PIP4K2B: variants seen among roughly 807,000 people sequenced by gnomAD.
PIP4K2B encodes the protein phosphatidylinositol 5-phosphate 4-kinase type-2 beta.
Under a neutral mutation model 42.0 loss-of-function variants are expected in PIP4K2B, and 3 were observed. The ratio of observed to expected loss-of-function variants is 0.07; its 90% CI spans 0.03 to 0.18. The LOEUF (loss-of-function observed/expected upper bound fraction) is 0.18. Among genes scored for constraint, PIP4K2B ranks in the 10% least tolerant of loss-of-function variants. The probability of loss-of-function intolerance (pLI) is 1.00; values close to 1 mark genes in which losing one functional copy is unlikely to be tolerated. For missense variants in PIP4K2B, 332 were observed against 562.3 expected, an observed-to-expected ratio of 0.59 and a Z score of 4.14; for synonymous variants, 204 against 210.1, an observed-to-expected ratio of 0.97 and a Z score of 0.25.
chr17:38,774,491 G>A (rs940908999), intron 7 of PIP4K2B, among the ~76,000 whole-genome samples: 1 of 152,016 alleles, frequency 6.6e-6, no homozygotes, highest in Non-Finnish European at 1.5e-5. Flanking sequence ...TCTTAGGGCC[G>A]GGCGTGGTGG....
At position 38,784,196 on chromosome 17, in the gene PIP4K2B, C is replaced by T. The variant is rs1449869502; in HGVS notation, c.354+47G>A. On this transcript the variant is annotated intron_variant, in intron 3 of 9. Coordinates refer to ENST00000619039, the MANE Select transcript of PIP4K2B (RefSeq NM_003559.5). ...CTCTACCTGTCCTGTGGCTTCCTGA[C>T]CCCATTCCATTCCCTAATCCACTGA... 3.5e-6 allele frequency: 4 copies of T among 1,153,336 alleles called. No individual in the cohort carries two copies. The Admixed American group carries it at 5.2e-5, about 15-fold the overall frequency. 71.4% of individuals were successfully genotyped at this position (1,153,336 alleles called of 1,614,324 possible). A position where few individuals can be genotyped will look rare whatever the true frequency, so the allele number is the denominator to read the frequency against.
Position 38,778,486 on chromosome 17 carries a change from G to A in PIP4K2B, c.655-114C>T, listed in dbSNP as rs1598047603. On this transcript the variant is annotated intron_variant, in intron 5 of 9. Transcript: ENST00000619039. ...GTAGGCTTGTTAGAGTCCTAGAGGG[G>A]CCAGGAGGCAGCACCTTGTTCATTT... 1.4e-5 allele frequency: 13 copies of A among 903,548 alleles called. No individual in the cohort carries two copies. In the East Asian group the frequency reaches 3.1e-4, roughly 22 times the overall value. The allele number at this position is 903,548 out of a possible 1,614,324, so 56.0% of individuals were successfully genotyped here.
rs1002098121 is a variant in PIP4K2B at position 38,766,165 on chromosome 17, G to A, written c.*3526C>T. 6.6e-6 allele frequency: 1 copy of A among 152,214 alleles called. No individual in the cohort carries two copies. The highest frequency in any genetic ancestry group is 1.5e-5 in the Non-Finnish European group (1 of 68,072). The allele number at this position is 152,214 out of a possible 1,614,324, so 9.4% of individuals were successfully genotyped here. Reference sequence around the variant, plus strand: ...CATTCTAGAGGAGGGAGAGGGCCACGGTCACTGACCCCTGCAGATGGCTGG... The same window carrying A: ...CATTCTAGAGGAGGGAGAGGGCCACAGTCACTGACCCCTGCAGATGGCTGG... On this transcript the variant is annotated 3_prime_UTR_variant, in exon 10 of 10. Coordinates refer to ENST00000619039, the MANE Select transcript of PIP4K2B (RefSeq NM_003559.5).
chr17:38,772,599 T>C (rs1387611300), intron 7 of PIP4K2B, among the ~76,000 whole-genome samples: 1 of 152,126 alleles, frequency 6.6e-6, no homozygotes, highest in Non-Finnish European at 1.5e-5. Context: ...CTTTCTTTTT[T>C]TGAGACAGAG....
rs1237815004 is a variant in PIP4K2B at position 38,799,337 on chromosome 17, A to C, written c.88T>G (p.Cys30Gly). ...GCCCGGAATAGCTTCACTTTCTGGC[A>C]CACGAAATGCTTCTTCTTGGTCTTG... ...KTKTKKKHFV[C>G]QKVKLFRASE... Residue 30 changes from cysteine (C) to glycine (G), a missense_variant, in exon 1 of 10, where the codon TGC becomes GGC. Around this residue, in one of 6 missense-constraint regions of PIP4K2B, gnomAD observed 186 missense variants for 288.4 expected, o/e 0.64. Coordinates refer to ENST00000619039, the MANE Select transcript of PIP4K2B (RefSeq NM_003559.5). The surrounding 1 kb of genome is among the most constrained non-coding windows in gnomAD (Gnocchi z 4.4). 1 of 1,609,718 alleles carries C rather than the reference A, an allele frequency of 6.2e-7. No individual in the cohort carries two copies.
chr17:38,775,012 C>A (rs1421776506), intron 7 of PIP4K2B, among the ~76,000 whole-genome samples: 1 of 151,672 alleles, frequency 6.6e-6, no homozygotes, highest in African/African-American at 2.4e-5. Flanking sequence ...TGCAGTGGCA[C>A]GATCTCGGCT....
At chr17:38,788,780 A>C (rs957414141) in intron 1 of PIP4K2B, among the ~76,000 whole-genome samples, 5 of 151,978 alleles carry the variant, frequency 3.3e-5, no homozygotes, top group African/African-American at 9.7e-5. Flanking sequence ...GTGAAACCCT[A>C]TCTCTACTAA....
At chr17:38,776,212 C>T (rs992706431) in intron 7 of PIP4K2B, 5 of 315,236 alleles carry the variant, frequency 1.6e-5, no homozygotes, top group East Asian at 9.5e-5. Flanking sequence ...TCAGAAGATC[C>T]GCCCACCTCA....
At position 38,799,160 on chromosome 17, in the gene PIP4K2B, G is replaced by A; in HGVS notation, c.159+106C>T. On this transcript the variant is annotated intron_variant, in intron 1 of 9. Coordinates refer to ENST00000619039, the MANE Select transcript of PIP4K2B (RefSeq NM_003559.5). The surrounding 1 kb of genome is among the most constrained non-coding windows in gnomAD (Gnocchi z 4.4). ...GTGGGCGTGCAAGTGGCTTGGCGAG[G>A]GGTGGCAGGCGTCACCGGCAGGGCC... 8.2e-7 allele frequency: 1 copy of A among 1,225,674 alleles called. No individual in the cohort carries two copies. Among genetic ancestry groups the A allele is most frequent in the Non-Finnish European group, 1.1e-6 (1 of 920,804 alleles). The allele number at this position is 1,225,674 out of a possible 1,614,324, so 75.9% of individuals were successfully genotyped here.
intron 3 of PIP4K2B, among the ~76,000 whole-genome samples, chr17:38,783,497 G>A (rs1490323673): frequency 6.6e-6 from 1 of 152,098 alleles, no homozygotes; most frequent in Non-Finnish European, 1.5e-5. Context: ...TTTAGGAGGT[G>A]ACACTCATAC....
In PIP4K2B at chr17:38,799,453, G is replaced by A. The variant is rs1415372045; in HGVS notation, c.-29C>T. On this transcript the variant is annotated 5_prime_UTR_variant, in exon 1 of 10. Coordinates refer to ENST00000619039, the MANE Select transcript of PIP4K2B (RefSeq NM_003559.5). The surrounding 1 kb of genome is among the most constrained non-coding windows in gnomAD (Gnocchi z 4.4). ...CGGGGCGGCGGCGGCGGCGGCGAAA[G>A]AGGGGGGCGGCGGAGACAGCGCACA... The A allele has an allele frequency of 1.9e-6, 3 of 1,542,710 alleles. No homozygotes were observed. The highest frequency in any genetic ancestry group is 2.6e-6 in the Non-Finnish European group (3 of 1,152,886).
chr17:38,798,043 T>C (rs1371954756), intron 1 of PIP4K2B, among the ~76,000 whole-genome samples: 1 of 152,078 alleles, frequency 6.6e-6, no homozygotes, highest in African/African-American at 2.4e-5. Context: ...TCTAAAACCC[T>C]AGCTCAGATT....
intron 1 of PIP4K2B, among the ~76,000 whole-genome samples, chr17:38,788,239 C>T (rs555674425): frequency 1.3e-5 from 2 of 151,692 alleles, no homozygotes; most frequent in Admixed American, 6.6e-5. Context: ...CTCACTGTGT[C>T]GCCCAGACTG....
At chr17:38,774,815 A>C (rs1909239560) in intron 7 of PIP4K2B, among the ~76,000 whole-genome samples, 1 of 152,200 alleles carries the variant, frequency 6.6e-6, no homozygotes. Flanking sequence ...CTTGGTATAA[A>C]GAGATTTACA....
chr17:38,773,964 A>G (rs576908370), intron 7 of PIP4K2B, among the ~76,000 whole-genome samples: 40 of 152,336 alleles, frequency 2.6e-4, no homozygotes, highest in African/African-American at 9.6e-4. Flanking sequence ...GAAAAGGGAG[A>G]AGGACAAAGA....
In PIP4K2B at chr17:38,799,431, G is replaced by A. The variant is rs375007052; in HGVS notation, c.-7C>T. 5.6e-5 allele frequency: 87 copies of A among 1,545,878 alleles called. No homozygotes were observed. Among genetic ancestry groups the A allele is most frequent in the Non-Finnish European group, 1.2e-5 (14 of 1,153,724 alleles). On this transcript the variant is annotated 5_prime_UTR_variant, in exon 1 of 10. Transcript: ENST00000619039. The surrounding 1 kb of genome is among the most constrained non-coding windows in gnomAD (Gnocchi z 4.4). ...TGGTGCAGTTGGACGACATGCCCGG[G>A]GCGGCGGCGGCGGCGGCGAAAGAGG...
At chr17:38,794,433 C>T (rs114725924) in intron 1 of PIP4K2B, among the ~76,000 whole-genome samples, 165 of 149,694 alleles carry the variant, frequency 1.1e-3, no homozygotes, top group African/African-American at 4.0e-3. Context: ...ATAACATAAT[C>T]GTACACTTAA....
chr17:38,783,236 C>T (rs1909811859), intron 3 of PIP4K2B, among the ~76,000 whole-genome samples: 1 of 140,826 alleles, frequency 7.1e-6, no homozygotes, highest in Non-Finnish European at 1.5e-5. Context: ...ATATTTCTTA[C>T]AGCTGTAAAG....
intron 1 of PIP4K2B, among the ~76,000 whole-genome samples, chr17:38,794,599 C>A (rs2143488055): frequency 8.6e-6 from 1 of 116,242 alleles, no homozygotes; most frequent in African/African-American, 3.4e-5. Flanking sequence ...ACAGAGAAAC[C>A]CCAATTCATT....
Sources: allele counts gnomAD v4.1 joint callset (sites outside exome capture counted in the v4.1 genomes callset), GRCh38; gene constraint gnomAD v4.1.1; regional missense constraint gnomAD v4.1.1; non-coding constraint Gnocchi (gnomAD v3.1); transcripts MANE v1.5; gene names NCBI Gene and HGNC (gene_info 2026-07-23, HGNC 2026-07-21).